Variants in SLC10A7 observed in about 807,000 individuals in gnomAD.
SLC10A7 encodes the protein sodium/bile acid cotransporter 7.
In SLC10A7, 29 loss-of-function variants were observed where a neutral mutation model predicts 43.2. The observed-to-expected ratio is 0.67, with a 90% CI of 0.50 to 0.92. The LOEUF (loss-of-function observed/expected upper bound fraction) is 0.92, where lower values mean the gene tolerates loss of function less well. Among genes scored for constraint, SLC10A7 ranks in the 40% least tolerant of loss-of-function variants. SLC10A7 has a pLI of 0.00. For synonymous variants in SLC10A7, 152 were observed against 144.8 expected, an observed-to-expected ratio of 1.05 and a Z score of -0.35; for missense variants, 295 against 403.2, an observed-to-expected ratio of 0.73 and a Z score of 2.30.
At chr4:146,408,650 A>G (rs1727911960) in intron 5 of SLC10A7, 1 of 152,118 alleles carries the variant, frequency 6.6e-6, no homozygotes. Flanking sequence ...GAAGTAGACA[A>G]TTGTTGATCT....
At position 146,479,902 on chromosome 4, in the gene SLC10A7, T is replaced by TACATTCAACATTCAAAAA. The variant is rs1222396217; in HGVS notation, c.396+23929_396+23946dup. Among the ~76,000 whole-genome samples the TACATTCAACATTCAAAAA allele has an allele frequency of 1.6e-4, 24 of 152,268 alleles. No individual in the cohort carries two copies. The South Asian group carries it at 2.5e-3, about 16-fold the overall frequency. On this transcript the variant is annotated intron_variant, in intron 4 of 11. Transcript: ENST00000335472. ...AAGCATTATACCACATGTTAATGTA[T>TACATTCAACATTCAAAAA]ACATTCAACATTCAAAAAACATTCA... is the stretch of plus-strand genomic sequence containing the variant.
chr4:146,384,886 C>T (rs1040609133), intron 5 of SLC10A7, among the ~76,000 whole-genome samples: 4 of 151,710 alleles, frequency 2.6e-5, no homozygotes, highest in Admixed American at 1.3e-4. Flanking sequence ...TTTTAATGTG[C>T]CCATATTATG....
At chr4:146,374,932 G>A (rs1176579718) in intron 5 of SLC10A7, among the ~76,000 whole-genome samples, 1 of 152,170 alleles carries the variant, frequency 6.6e-6, no homozygotes, top group East Asian at 1.9e-4. Context: ...CCCACTAGGT[G>A]TGGTGGCTTA....
intron 10 of SLC10A7, among the ~76,000 whole-genome samples, chr4:146,282,627 T>A (rs1342475517): frequency 6.6e-6 from 1 of 152,202 alleles, no homozygotes; most frequent in African/African-American, 2.4e-5. Context: ...AATAGCACTT[T>A]TCTTCTTAAT....
chr4:146,310,479 G>A (rs538642388), intron 6 of SLC10A7, among the ~76,000 whole-genome samples: 1 of 152,202 alleles, frequency 6.6e-6, no homozygotes, highest in East Asian at 1.9e-4. Context: ...AGCCTCTCCA[G>A]TATCTGTTGT....
intron 10 of SLC10A7, among the ~76,000 whole-genome samples, chr4:146,262,861 C>CTTTAAAGTGATG (rs1243978511): frequency 1.3e-5 from 2 of 152,228 alleles, no homozygotes; most frequent in Non-Finnish European, 2.9e-5. Context: ...AAGTGCAAAT[C>CTTTAAAGTGATG]TGATCGTGTC....
At chr4:146,338,169 C>T (rs547177174) in intron 5 of SLC10A7, among the ~76,000 whole-genome samples, 11 of 152,110 alleles carry the variant, frequency 7.2e-5, no homozygotes, top group Non-Finnish European at 1.6e-4. Context: ...ATGTTTCTCT[C>T]ATGGAGCAGC....
At chr4:146,512,466 A>C (rs182935750) in intron 2 of SLC10A7, among the ~76,000 whole-genome samples, 26 of 152,322 alleles carry the variant, frequency 1.7e-4, no homozygotes, top group African/African-American at 5.8e-4. Flanking sequence ...TATCTATTCG[A>C]GCAAAATCTG....
rs189772011 is a variant in SLC10A7, at chr4:146,494,080, A to G, written c.396+9769T>C. Among the ~76,000 whole-genome samples, 25 of 152,382 alleles carry G rather than the reference A, an allele frequency of 1.6e-4. No homozygotes were observed. In the East Asian group the frequency reaches 4.6e-3, roughly 28 times the overall value. On this transcript the variant is annotated intron_variant, in intron 4 of 11. Transcript: ENST00000335472. ...TCAGTGATAAACCTCTGCAATGATA[A>G]TAATGCTGATGCTTACTTGATGTGT...
At chr4:146,391,240 T>C (rs1040471726) in intron 5 of SLC10A7, among the ~76,000 whole-genome samples, 4 of 152,192 alleles carry the variant, frequency 2.6e-5, no homozygotes, top group African/African-American at 4.8e-5. Flanking sequence ...ATACATATTA[T>C]ATAAAATATA....
At chr4:146,426,024 T>C (rs1348930571) in intron 5 of SLC10A7, among the ~76,000 whole-genome samples, 3 of 152,222 alleles carry the variant, frequency 2.0e-5, no homozygotes, top group East Asian at 1.9e-4. Flanking sequence ...TCTCAAATTA[T>C]TTTTTCCATT....
intron 5 of SLC10A7, among the ~76,000 whole-genome samples, chr4:146,438,743 CT>C (rs1730386948): frequency 6.6e-6 from 1 of 151,942 alleles, no homozygotes; most frequent in African/African-American, 2.4e-5. Flanking sequence ...ATGCTAAGTT[CT>C]AACAAATCAA....
At chr4:146,286,652 G>GTGTCTGGTGTGGTGAGAAGGACCA (rs1729988711) in intron 9 of SLC10A7, among the ~76,000 whole-genome samples, 6 of 122,602 alleles carry the variant, frequency 4.9e-5, no homozygotes, top group African/African-American at 1.5e-4. Context: ...GAGAAGGACC[G>GTGTCTGGTGTGGTGAGAAGGACCA]TGTCTGGAGT....
At chr4:146,505,500 G>T (rs868858902) in intron 3 of SLC10A7, among the ~76,000 whole-genome samples, 4 of 152,102 alleles carry the variant, frequency 2.6e-5, no homozygotes, top group Admixed American at 2.6e-4. Context: ...CGGCATGGGG[G>T]TTGGCACCTC....
At chr4:146,322,444 C>T (rs538186722) in intron 6 of SLC10A7, among the ~76,000 whole-genome samples, 375 of 145,794 alleles carry the variant, frequency 2.6e-3, no homozygotes, top group Non-Finnish European at 3.3e-3. Flanking sequence ...TGTTCAATTC[C>T]CACCTATGAG....
intron 5 of SLC10A7, among the ~76,000 whole-genome samples, chr4:146,372,095 C>T (rs571880615): frequency 1.3e-5 from 2 of 152,248 alleles, no homozygotes; most frequent in African/African-American, 4.8e-5. Context: ...ATCAGGACTT[C>T]CTGGGCCTAA....
chr4:146,366,815 A>G (rs1736423836), intron 5 of SLC10A7, among the ~76,000 whole-genome samples: 1 of 152,218 alleles, frequency 6.6e-6, no homozygotes, highest in African/African-American at 2.4e-5. Context: ...ATTTACTTTA[A>G]GTCACTGCAG....
intron 5 of SLC10A7, among the ~76,000 whole-genome samples, chr4:146,373,072 G>A (rs1300093760): frequency 6.6e-6 from 1 of 152,132 alleles, no homozygotes; most frequent in African/African-American, 2.4e-5. Flanking sequence ...GCTTCTTAGT[G>A]CACCTAAGGG....
At chr4:146,438,218 T>C (rs1164818090) in intron 5 of SLC10A7, among the ~76,000 whole-genome samples, 1 of 152,036 alleles carries the variant, frequency 6.6e-6, no homozygotes, top group East Asian at 1.9e-4. Flanking sequence ...AAGAAAAATA[T>C]AAACTGGCTA....
Sources: allele counts gnomAD v4.1 joint callset (sites outside exome capture counted in the v4.1 genomes callset), GRCh38; gene constraint gnomAD v4.1.1; transcripts MANE v1.5; gene names NCBI Gene and HGNC (gene_info 2026-07-23, HGNC 2026-07-21).